Variants in PKIG observed in about 807,000 individuals in gnomAD.
PKIG encodes the protein cAMP-dependent protein kinase inhibitor gamma.
PKIG carries 1 observed loss-of-function variant against 6.8 expected under a neutral mutation model. That is an observed-to-expected ratio of 0.15 (90% confidence interval 0.05 to 0.69). The LOEUF (loss-of-function observed/expected upper bound fraction) is 0.69. PKIG is among the 30% of genes least tolerant of loss of function. The pLI is 0.82. For missense variants in PKIG, 77 were observed against 104.0 expected (o/e 0.74, Z 1.13); for synonymous variants, 39 against 43.0 (o/e 0.91, Z 0.36).
intron 1 of PKIG, among the ~76,000 whole-genome samples, chr20:44,557,647 T>C (rs1251487690): frequency 1.5e-5 from 2 of 137,832 alleles, no homozygotes; most frequent in African/African-American, 5.7e-5. Flanking sequence ...AATGAAACAC[T>C]GTCTCTACTA....
intron 1 of PKIG, among the ~76,000 whole-genome samples, chr20:44,535,253 A>G (rs1453530379): frequency 2.6e-5 from 4 of 152,184 alleles, no homozygotes; most frequent in African/African-American, 9.7e-5. Flanking sequence ...CCATGGGAAC[A>G]TCAGAGTATT....
rs553157560 is a variant in PKIG at position 44,562,833 on chromosome 20, A to T, written c.-240-19752A>T. ...CACCACTTTGGGAGGCCAAGGCAGG[A>T]GGATCACCTAAGGTCAGAAGTTCGA... On this transcript the variant is annotated intron_variant, in intron 1 of 4. Coordinates refer to the PKIG transcript ENST00000372887. 4.6e-5 allele frequency among the ~76,000 whole-genome samples: 7 copies of T among 152,234 alleles called. No individual in the cohort carries two copies. The South Asian group carries it at 1.5e-3, about 32-fold the overall frequency.
At chr20:44,553,644 G>T (rs1290879783) in intron 1 of PKIG, among the ~76,000 whole-genome samples, 1 of 152,158 alleles carries the variant, frequency 6.6e-6, no homozygotes, top group Non-Finnish European at 1.5e-5. Context: ...TATACTTGGT[G>T]CTAGGGTTAT....
chr20:44,610,486 T>TACACA (rs2065206169), intron 2 of PKIG, among the ~76,000 whole-genome samples: 1 of 110,502 alleles, frequency 9.0e-6, no homozygotes, highest in Non-Finnish European at 1.9e-5. Flanking sequence ...CTCTCTCTCT[T>TACACA]CTCTCTCTCT....
intron 2 of PKIG, among the ~76,000 whole-genome samples, chr20:44,604,445 G>A (rs1427924740): frequency 6.6e-6 from 1 of 152,228 alleles, no homozygotes; most frequent in African/African-American, 2.4e-5. Context: ...TGTCATGAGA[G>A]AGAACGAGAC....
At chr20:44,549,744 G>C (rs1385299215) in intron 1 of PKIG, among the ~76,000 whole-genome samples, 1 of 152,150 alleles carries the variant, frequency 6.6e-6, no homozygotes, top group East Asian at 1.9e-4. Flanking sequence ...AAGATGGCTT[G>C]AGCCCGGGAG....
In PKIG at chr20:44,543,408, C is replaced by A. The variant is rs887948572; in HGVS notation, c.-241+11430C>A. On this transcript the variant is annotated intron_variant, in intron 1 of 4. Transcript: ENST00000372887. ...CTCTATAGTAAGTTCTTTATCAGGC[C>A]TCGTACAGAAAGGGCACAGAAATAT... 2.1e-4 allele frequency among the ~76,000 whole-genome samples: 32 copies of A among 152,030 alleles called. 1 individual carries two copies. The highest frequency in any genetic ancestry group is 7.5e-4 in the African/African-American group (31 of 41,370).
chr20:44,575,085 T>G (rs990283746), intron 1 of PKIG, among the ~76,000 whole-genome samples: 1 of 151,420 alleles, frequency 6.6e-6, no homozygotes, highest in African/African-American at 2.4e-5. Flanking sequence ...ACAGTCTCGC[T>G]CTATTGCCCA....
At chr20:44,579,309 G>A (rs943286467), upstream of PKIG, among the ~76,000 whole-genome samples, 4 of 152,196 alleles carry the variant, frequency 2.6e-5, no homozygotes, top group Non-Finnish European at 5.9e-5. Context: ...GGTAAAAGGT[G>A]GAATTAAACA....
intron 2 of PKIG, chr20:44,599,008 AAAG>A (rs2065097760): frequency 1.3e-5 from 2 of 152,224 alleles, no homozygotes; most frequent in Non-Finnish European, 2.9e-5. Context: ...ACATCACTGA[AAAG>A]ATTCTGAAGG....
At chr20:44,607,992 G>A (rs1014078417) in intron 2 of PKIG, among the ~76,000 whole-genome samples, 3 of 146,446 alleles carry the variant, frequency 2.0e-5, no homozygotes, top group Non-Finnish European at 3.0e-5. Context: ...CACCATGCCC[G>A]GCCAAAATTT....
At chr20:44,566,549 A>G (rs2064812575) in intron 1 of PKIG, among the ~76,000 whole-genome samples, 1 of 152,200 alleles carries the variant, frequency 6.6e-6, no homozygotes, top group Non-Finnish European at 1.5e-5. Context: ...ATGTTTTGAA[A>G]AGTATGCTAG....
Position 44,589,785 on chromosome 20 carries a change from C to T in PKIG, c.-93-12C>T, listed in dbSNP as rs903465612. On this transcript the variant is annotated splice_polypyrimidine_tract_variant and intron_variant, in intron 1 of 3. Transcript: ENST00000372886. The stretch of plus-strand genomic sequence containing the variant: ...TCTGGCTCTAATTTTTGTTTTTCTT[C>T]TGGTTCCTTAGAATTCCCGTACTGA... The T allele has an allele frequency of 6.6e-6, 1 of 152,226 alleles. No homozygotes were observed. Among genetic ancestry groups the T allele is most frequent in the Non-Finnish European group, 1.5e-5 (1 of 68,024 alleles). 9.4% of individuals were successfully genotyped at this position (152,226 alleles called of 1,614,324 possible).
intron 1 of PKIG, among the ~76,000 whole-genome samples, chr20:44,544,581 T>C (rs2064593605): frequency 6.6e-6 from 1 of 152,140 alleles, no homozygotes; most frequent in Non-Finnish European, 1.5e-5. Flanking sequence ...AGCCAAACGG[T>C]CTTTGAGGCA....
chr20:44,574,014 C>T (rs1217273950), intron 1 of PKIG, among the ~76,000 whole-genome samples: 4 of 152,190 alleles, frequency 2.6e-5, no homozygotes, highest in African/African-American at 9.7e-5. Flanking sequence ...GCATCTGTCT[C>T]CTGCTTACCC....
intron 1 of PKIG, among the ~76,000 whole-genome samples, chr20:44,563,573 A>G (rs2064785870): frequency 6.6e-6 from 1 of 152,142 alleles, no homozygotes; most frequent in Admixed American, 6.5e-5. Flanking sequence ...TCTCTTGCCC[A>G]GGCTAGAGTA....
At chr20:44,587,837 G>T (rs114773011) in intron 1 of PKIG, among the ~76,000 whole-genome samples, 1 of 152,168 alleles carries the variant, frequency 6.6e-6, no homozygotes, top group Non-Finnish European at 1.5e-5. Context: ...AGGTGCTTGT[G>T]TTGTGGGCTC....
At position 44,599,770 on chromosome 20, in the gene PKIG, A is replaced by G. The variant is rs190535907; in HGVS notation, c.-24+9904A>G. ...AAAAACTGTATAACTGTTGGCTCCA[A>G]TTAATCCCCACAGCCACTTTTTAAG... On this transcript the variant is annotated intron_variant, in intron 2 of 3. Transcript: ENST00000372886. Among the ~76,000 whole-genome samples, 630 of 152,288 alleles carry G rather than the reference A, an allele frequency of 4.1e-3. 12 individuals are homozygous for G. The highest frequency in any genetic ancestry group is 0.03 in the South Asian group (145 of 4,820).
chr20:44,562,471 G>A (rs922610867), intron 1 of PKIG, among the ~76,000 whole-genome samples: 4 of 151,812 alleles, frequency 2.6e-5, no homozygotes, highest in African/African-American at 9.7e-5. Flanking sequence ...GTGTGGTGGT[G>A]TGTGCCTGTA....
Sources: gnomAD v4.1 joint callset for allele counts (sites outside exome capture counted in the v4.1 genomes callset) on GRCh38, gnomAD v4.1.1 for gene constraint, MANE v1.5 for transcripts, NCBI Gene and HGNC (gene_info 2026-07-23, HGNC 2026-07-21) for gene names.